Variants in ADRM1 observed in about 807,000 individuals in gnomAD.
ADRM1 encodes the protein proteasomal ubiquitin receptor ADRM1.
A neutral mutation model predicts 40.1 loss-of-function variants in ADRM1; 2 were observed. The observed-to-expected ratio is 0.05, with a 90% CI of 0.02 to 0.16. The LOEUF is 0.16. Ranked by LOEUF, ADRM1 falls within the 10% of genes least tolerant of loss-of-function variation. The pLI is 1.00. For synonymous variants in ADRM1, 287 were observed against 240.4 expected, an observed-to-expected ratio of 1.19 and a Z score of -1.79; for missense variants, 467 against 552.5, an observed-to-expected ratio of 0.85 and a Z score of 1.55.
In ADRM1 at chr20:62,307,716, C is replaced by T. The variant is rs377624403; in HGVS notation, c.744C>T (p.Ser248=). ...SATSPSPAPS[S]GNGASTAASP... is the part of the protein sequence containing the mutation. ...CTAGCCCGAGCCCCGCGCCCAGTTC[C>T]GGGAATGGAGCCAGCACAGCAGCCA... Residue 248 remains serine (S), a synonymous_variant, in exon 7 of 10, where the codon TCC becomes TCT. Transcript: ENST00000253003. 3.3e-5 allele frequency: 54 copies of T among 1,611,990 alleles called. No homozygotes were observed. Among genetic ancestry groups the T allele is most frequent in the Middle Eastern group, 1.6e-4 (1 of 6,084 alleles).
chr20:62,303,404 G>T, intron 1 of ADRM1, 164 bp from the exon 2 acceptor site: 1 of 685,768 alleles, frequency 1.5e-6, no homozygotes. Context: ...CGGTGCGATC[G>T]TCGTGAGCGG....
intron 7 of ADRM1, 73 bp downstream of exon 7, chr20:62,307,901 GGC>G (rs1985358876): frequency 6.4e-7 from 1 of 1,552,476 alleles, no homozygotes; most frequent in Non-Finnish European, 8.7e-7. Flanking sequence ...CACCTTCCAA[GGC>G]ATCTGCCTAG....
Position 62,308,643 on chromosome 20 carries a change from A to G in ADRM1, c.1118-12A>G. On this transcript the variant is annotated splice_polypyrimidine_tract_variant and intron_variant, in intron 9 of 9. Coordinates refer to ENST00000253003, the MANE Select transcript of ADRM1 (RefSeq NM_007002.4). ...GGGTTAGACACCACCTTGTGTCTTTAACGTGTTCTAGATGTGGAAGCGTTT... is the reference window on the plus strand; with the variant it reads ...GGGTTAGACACCACCTTGTGTCTTTGACGTGTTCTAGATGTGGAAGCGTTT... 1 of 1,612,774 alleles carries G rather than the reference A, an allele frequency of 6.2e-7. No individual in the cohort carries two copies. The highest frequency in any genetic ancestry group is 1.7e-5 in the Admixed American group (1 of 59,978).
chr20:62,308,098 C>T lies in ADRM1; in HGVS notation c.934C>T (p.Pro312Ser), dbSNP rs1440336672. Residue 312 changes from proline (P) to serine (S), a missense_variant, in exon 8 of 10, where the codon CCC (proline) becomes TCC (serine). Physicochemically the swap from Pro to Ser is moderately conservative, Grantham distance 74 (BLOSUM62 -1). This residue lies in a region of ADRM1 where 418 missense variants were observed against 474.6 expected (regional missense o/e 0.88). Transcript: ENST00000253003. ...ANADVQERLL[P>S]YLPSGESLPQ... ...CGCGGATGTCCAGGAGCGCCTGCTT[C>T]CCTACTTGCCATCTGGGGAGTCGCT... is the stretch of plus-strand genomic sequence containing the variant. The T allele has an allele frequency of 6.2e-7, 1 of 1,611,498 alleles. No homozygotes were observed. The highest frequency in any genetic ancestry group is 8.5e-7 in the Non-Finnish European group (1 of 1,179,838).
rs1490342891 is a variant in ADRM1, at chr20:62,306,706, C to G, written c.513C>G (p.Leu171=). 1.2e-6 allele frequency: 2 copies of G among 1,609,384 alleles called. No individual in the cohort carries two copies. Among genetic ancestry groups the G allele is most frequent in the Non-Finnish European group, 1.7e-6 (2 of 1,178,312 alleles). The change falls in exon 5 of 10, where the codon CTC becomes CTG. Residue 171 remains leucine (L), a synonymous_variant. Transcript: ENST00000253003. ...GNMSHSQLMQ[L]IGPAGLGGLG... is the part of the protein sequence containing the mutation. Reference sequence around the variant, plus strand: ...TGAGCCACAGCCAGCTCATGCAGCTCATCGGACCAGCCGGCCTTGGAGGAC... The same window carrying G: ...TGAGCCACAGCCAGCTCATGCAGCTGATCGGACCAGCCGGCCTTGGAGGAC...
chr20:62,306,533 C>T, intron 4 of ADRM1, 115 bp from the exon 5 acceptor site: 3 of 1,311,052 alleles, frequency 2.3e-6, no homozygotes, highest in Non-Finnish European at 3.2e-6. Context: ...CAAGTGGTGC[C>T]CCCTGTAGGG....
At position 62,307,746 on chromosome 20, in the gene ADRM1, G is replaced by C; in HGVS notation, c.774G>C (p.Pro258=). Residue 258 remains proline, a synonymous_variant, in exon 7 of 10, where the codon CCG becomes CCC. Coordinates refer to ENST00000253003, the MANE Select transcript of ADRM1 (RefSeq NM_007002.4). ...ATGGAGCCAGCACAGCAGCCAGCCC[G>C]ACCCAGCCCATCCAGCTGAGCGACC... is the stretch of plus-strand genomic sequence containing the variant. ...SGNGASTAAS[P]TQPIQLSDLQ... 6.2e-7 allele frequency: 1 copy of C among 1,611,952 alleles called. No homozygotes were observed.
rs202092326 is a variant in ADRM1 at position 62,306,211 on chromosome 20, C to G, written c.345C>G (p.Asp115Glu). The G allele has an allele frequency of 7.4e-6, 12 of 1,612,966 alleles. No individual in the cohort carries two copies. The African/African-American group carries it at 1.1e-4, about 14-fold the overall frequency. ...LFFWMQEPKTDQDEEHCRKVN... is the reference protein window; with the variant it reads ...LFFWMQEPKTEQDEEHCRKVN... The stretch of plus-strand genomic sequence containing the variant: ...TCCTCTTGCAGGAACCCAAGACAGA[C>G]CAGGATGAGGAGCATTGCCGGAAAG... The change falls in exon 4 of 10, where the codon GAC (aspartate) becomes GAG (glutamate). Residue 115 changes from aspartate to glutamate, a missense_variant. Transcript: ENST00000253003.
Position 62,303,753 on chromosome 20 carries a change from A to G in ADRM1, c.185A>G (p.Lys62Arg). 1.9e-6 allele frequency: 3 copies of G among 1,611,846 alleles called. No individual in the cohort carries two copies. The highest frequency in any genetic ancestry group is 1.1e-5 in the South Asian group (1 of 91,072). The change falls in exon 2 of 10, where the codon AAG (lysine) becomes AGG (arginine). Residue 62 changes from lysine to arginine, a missense_variant. Physicochemically the swap from Lys to Arg is conservative, Grantham distance 26. Transcript: ENST00000253003. Reference protein sequence around the residue: ...TDDSLIHFCWKDRTSGNVEDD... With the variant: ...TDDSLIHFCWRDRTSGNVEDD... The stretch of plus-strand genomic sequence containing the variant: ...GACTCGCTTATTCACTTCTGCTGGA[A>G]GGACAGGACGTCCGGGAACGTGGAA...
chr20:62,306,136 C>A, intron 3 of ADRM1, 61 bp from the exon 4 acceptor site: 1 of 1,571,956 alleles, frequency 6.4e-7, no homozygotes, highest in South Asian at 1.2e-5. Flanking sequence ...CAGAGGATGG[C>A]TGTGGTGGCC....
intron 8 of ADRM1, 66 bp downstream of exon 8, chr20:62,308,244 C>T: frequency 1.3e-6 from 2 of 1,545,862 alleles, no homozygotes; most frequent in East Asian, 2.3e-5. Context: ...GAGGAGGAGG[C>T]CCTGCCCCAC....
chr20:62,307,047 T>C (rs1403504937), intron 5 of ADRM1, among the ~76,000 whole-genome samples: 1 of 152,188 alleles, frequency 6.6e-6, no homozygotes, highest in Non-Finnish European at 1.5e-5. Flanking sequence ...CATGGCTGCC[T>C]GCCTGCTGCC....
At chr20:62,306,446 C>G in intron 4 of ADRM1, 126 bp downstream of exon 4, 2 of 1,500,674 alleles carry the variant, frequency 1.3e-6, no homozygotes, top group Non-Finnish European at 1.8e-6. Context: ...GTTAGAGACC[C>G]TGTGAGCTCC....
At position 62,306,461 on chromosome 20, in the gene ADRM1, G is replaced by A. The variant is rs45573531; in HGVS notation, c.454+141G>A. 2,932 of 1,421,088 alleles carry A rather than the reference G, an allele frequency of 2.1e-3. 7 individuals carry two copies. Among genetic ancestry groups the A allele is most frequent in the Non-Finnish European group, 2.6e-3 (2,634 of 1,024,664 alleles). 88.0% of individuals were successfully genotyped at this position (1,421,088 alleles called of 1,614,324 possible). A position where few individuals can be genotyped will look rare whatever the true frequency, so the allele number is the denominator to read the frequency against. On this transcript the variant is annotated intron_variant, in intron 4 of 9. Coordinates refer to ENST00000253003, the MANE Select transcript of ADRM1 (RefSeq NM_007002.4). ...GTTAGAGACCCTGTGAGCTCCCTGGGTCACTCCCCACTCCCACCTTCACGG... is the reference window on the plus strand; with the variant it reads ...GTTAGAGACCCTGTGAGCTCCCTGGATCACTCCCCACTCCCACCTTCACGG...
rs114156197 is a variant in ADRM1 at position 62,308,740 on chromosome 20, G to A, written c.1203G>A (p.Glu401=). Residue 401 remains glutamate, a synonymous_variant, in exon 10 of 10, where the codon GAG becomes GAA. Transcript: ENST00000253003. ...EGDTKDKKDE[E]EDMSLD is the part of the protein sequence containing the mutation. ...ACACGAAGGACAAGAAGGACGAAGA[G>A]GAGGACATGAGCCTGGACTGAGCCA... The A allele has an allele frequency of 7.4e-4, 1,190 of 1,613,026 alleles. 5 individuals carry two copies. In the African/African-American group the frequency reaches 0.011, roughly 15 times the overall value.
intron 3 of ADRM1, 136 bp downstream of exon 3, chr20:62,304,713 C>G (rs1394018295): frequency 2.4e-6 from 2 of 830,634 alleles, no homozygotes; most frequent in South Asian, 1.5e-5. Flanking sequence ...TGAGATGCCA[C>G]CTCAGGGCTG....
intron 5 of ADRM1, 63 bp downstream of exon 5, chr20:62,306,797 T>G: frequency 7.0e-7 from 1 of 1,430,734 alleles, no homozygotes; most frequent in African/African-American, 1.4e-5. Flanking sequence ...GCCCGGTCTC[T>G]GTTTCCTTTA....
intron 3 of ADRM1, chr20:62,305,811 A>T (rs1369440787): frequency 4.2e-6 from 1 of 237,466 alleles, no homozygotes; most frequent in African/African-American, 2.2e-5. Context: ...TGAGCGGGCC[A>T]GTTCGCTGCC....
Position 62,304,681 on chromosome 20 carries a change from G to A in ADRM1, c.330+104G>A, listed in dbSNP as rs1409597612. Reference sequence around the variant, plus strand: ...TGGCTTTTATAAACCAGCAGGCGCCGGCCACACCCGGCCACACGGCCTGAG... The same window carrying A: ...TGGCTTTTATAAACCAGCAGGCGCCAGCCACACCCGGCCACACGGCCTGAG... On this transcript the variant is annotated intron_variant, in intron 3 of 9. Transcript: ENST00000253003. 19 of 1,034,546 alleles carry A rather than the reference G, an allele frequency of 1.8e-5. No individual in the cohort carries two copies. In the East Asian group the frequency reaches 2.0e-4, roughly 11 times the overall value. 64.1% of individuals were successfully genotyped at this position (1,034,546 alleles called of 1,614,324 possible).
Sources: allele counts gnomAD v4.1 joint callset (sites outside exome capture counted in the v4.1 genomes callset), GRCh38; gene constraint gnomAD v4.1.1; regional missense constraint gnomAD v4.1.1; transcripts MANE v1.5; gene names NCBI Gene and HGNC (gene_info 2026-07-23, HGNC 2026-07-21).